Variants in LHFPL4 observed in about 807,000 individuals in gnomAD.
The protein encoded by LHFPL4 is LHFPL tetraspan subfamily member 4.
LHFPL4 carries 6 observed loss-of-function variants against 20.0 expected under a neutral mutation model. The observed-to-expected ratio is 0.30, with a 90% confidence interval of 0.16 to 0.59. The LOEUF is 0.59. LHFPL4 is among the 20% of genes least tolerant of loss of function. LHFPL4 has a pLI of 0.88. For synonymous variants in LHFPL4, 129 were observed against 143.8 expected (o/e 0.90, Z 0.74); for missense variants, 215 against 331.2 (o/e 0.65, Z 2.72).
At chr3:9,544,381 T>C (rs1033295493) in intron 2 of LHFPL4, among the ~76,000 whole-genome samples, 28 of 151,760 alleles carry the variant, frequency 1.8e-4, no homozygotes, top group Non-Finnish European at 2.6e-4. Context: ...TCCCAGTACT[T>C]TGGGAGGTCG....
intron 2 of LHFPL4, among the ~76,000 whole-genome samples, chr3:9,519,408 TTC>T (rs1174482034): frequency 6.6e-6 from 1 of 152,022 alleles, no homozygotes; most frequent in Admixed American, 6.6e-5. Flanking sequence ...CAATTTGAGT[TTC>T]TCTCTCTCTC....
At chr3:9,534,237 G>T (rs1448133191) in intron 2 of LHFPL4, among the ~76,000 whole-genome samples, 1 of 151,948 alleles carries the variant, frequency 6.6e-6, no homozygotes, top group African/African-American at 2.4e-5. Context: ...AAAGTAGGGG[G>T]GTTGCATACC....
chr3:9,507,583 G>C (rs2046227682), intron 2 of LHFPL4, among the ~76,000 whole-genome samples: 1 of 152,246 alleles, frequency 6.6e-6, no homozygotes, highest in African/African-American at 2.4e-5. Context: ...TCGGAGAGTT[G>C]GTTTCAGGTG....
intron 2 of LHFPL4, among the ~76,000 whole-genome samples, chr3:9,509,247 C>CCG (rs370787567): frequency 7.9e-6 from 1 of 126,032 alleles, no homozygotes; most frequent in Admixed American, 8.0e-5. Flanking sequence ...TCGCACCCCC[C>CCG]TCTCTCTCTC....
chr3:9,523,778 A>G (rs903244827), intron 2 of LHFPL4, among the ~76,000 whole-genome samples: 4 of 152,104 alleles, frequency 2.6e-5, no homozygotes, highest in African/African-American at 9.7e-5. Context: ...TCCTTCTTCA[A>G]TATTCTTCCC....
chr3:9,544,556 C>T (rs1268855666), intron 2 of LHFPL4, among the ~76,000 whole-genome samples: 1 of 152,062 alleles, frequency 6.6e-6, no homozygotes, highest in East Asian at 1.9e-4. Context: ...ACCCGGGAGG[C>T]AGAGGTTGCA....
intron 2 of LHFPL4, among the ~76,000 whole-genome samples, chr3:9,511,933 T>A (rs975115427): frequency 3.5e-5 from 4 of 114,904 alleles, no homozygotes; most frequent in African/African-American, 7.6e-5. Flanking sequence ...ACATGGCGAC[T>A]GTTTTTTTTT....
intron 2 of LHFPL4, among the ~76,000 whole-genome samples, chr3:9,528,321 A>G (rs906773739): frequency 6.6e-6 from 1 of 152,174 alleles, no homozygotes; most frequent in Admixed American, 6.6e-5. Context: ...AACAGTGCTC[A>G]CAGCATCTTC....
chr3:9,527,078 G>T (rs548402051), intron 2 of LHFPL4, among the ~76,000 whole-genome samples: 2 of 152,190 alleles, frequency 1.3e-5, no homozygotes, highest in South Asian at 4.2e-4. Flanking sequence ...AAGTAAGCAG[G>T]GGTACACAGA....
chr3:9,551,626 T>G (rs2046554849), intron 2 of LHFPL4, among the ~76,000 whole-genome samples: 1 of 152,100 alleles, frequency 6.6e-6, no homozygotes, highest in Admixed American at 6.6e-5. Flanking sequence ...GGTGCAGGGG[T>G]GGGAGTGGGG....
intron 2 of LHFPL4, among the ~76,000 whole-genome samples, chr3:9,547,670 C>T (rs145559545): frequency 7.2e-4 from 110 of 152,340 alleles, no homozygotes; most frequent in African/African-American, 2.6e-3. Flanking sequence ...GGGTAAAAAA[C>T]GTAGCAGAGA....
chr3:9,543,729 GTTT>G (rs58872967), intron 2 of LHFPL4, among the ~76,000 whole-genome samples: 1 of 119,652 alleles, frequency 8.4e-6, no homozygotes. Flanking sequence ...TTTGGTTTTG[GTTT>G]TTTTTTTTTT....
rs58489008 is a variant in LHFPL4 at position 9,527,809 on chromosome 3, AACAC to A, written c.407-21610_407-21607del. On this transcript the variant is annotated intron_variant, in intron 2 of 3. Transcript: ENST00000287585. ...TGTACAAATTAATTTTTCAAATACAAACACACACACACACACACACACACACACA... is the reference window on the plus strand; with the variant it reads ...TGTACAAATTAATTTTTCAAATACAAACACACACACACACACACACACACA... Among the ~76,000 whole-genome samples, 500 of 143,272 alleles carry A rather than the reference AACAC, an allele frequency of 3.5e-3. 3 individuals carry two copies. Among genetic ancestry groups the A allele is most frequent in the South Asian group, 0.015 (67 of 4,346 alleles). 94.0% of individuals were successfully genotyped at this position (143,272 alleles called of 152,430 possible).
chr3:9,510,023 G>C (rs943365754), intron 2 of LHFPL4, among the ~76,000 whole-genome samples: 3 of 152,196 alleles, frequency 2.0e-5, no homozygotes, highest in African/African-American at 7.2e-5. Context: ...AGCTTTCTCA[G>C]CCTCAATGCT....
chr3:9,509,777 TA>T (rs1326229335), intron 2 of LHFPL4, among the ~76,000 whole-genome samples: 2 of 152,066 alleles, frequency 1.3e-5, no homozygotes, highest in African/African-American at 4.8e-5. Flanking sequence ...TCCTTGCACC[TA>T]GGGGAAAGAT....
In LHFPL4 at chr3:9,517,317, T is replaced by G. The variant is rs149827646; in HGVS notation, c.407-11114A>C. ...TTGGCAAGAACAAACATCTTGAAAA[T>G]AATGAGTCTTCCTACCCATGAACAT... is the stretch of plus-strand genomic sequence containing the variant. On this transcript the variant is annotated intron_variant, in intron 2 of 3. Coordinates refer to ENST00000287585, the MANE Select transcript of LHFPL4 (RefSeq NM_198560.3). Among the ~76,000 whole-genome samples, 103 of 152,258 alleles carry G rather than the reference T, an allele frequency of 6.8e-4. 1 individual carries two copies. Among genetic ancestry groups the G allele is most frequent in the African/African-American group, 2.5e-3 (102 of 41,558 alleles).
intron 2 of LHFPL4, among the ~76,000 whole-genome samples, chr3:9,531,837 A>G (rs1574849419): frequency 6.8e-6 from 1 of 147,760 alleles, no homozygotes; most frequent in African/African-American, 2.5e-5. Flanking sequence ...AAAGACTAAA[A>G]AACTAAAGGA....
At chr3:9,523,181 G>A (rs911890522) in intron 2 of LHFPL4, among the ~76,000 whole-genome samples, 13 of 151,566 alleles carry the variant, frequency 8.6e-5, no homozygotes, top group African/African-American at 2.9e-4. Context: ...CACTTTGGGA[G>A]GCTGAGGCGG....
intron 2 of LHFPL4, among the ~76,000 whole-genome samples, chr3:9,533,252 A>T (rs1267387878): frequency 6.6e-6 from 1 of 151,904 alleles, no homozygotes; most frequent in East Asian, 1.9e-4. Context: ...TCACCAAAAC[A>T]TATGTGCTAG....
Sources: gnomAD v4.1 joint callset for allele counts (sites outside exome capture counted in the v4.1 genomes callset) on GRCh38, gnomAD v4.1.1 for gene constraint, MANE v1.5 for transcripts, NCBI Gene and HGNC (gene_info 2026-07-23, HGNC 2026-07-21) for gene names.